The following DAB1 variants were observed in gnomAD, a reference collection of about 807,000 sequenced individuals.
The protein encoded by DAB1 is disabled homolog 1.
Under a neutral mutation model 64.6 loss-of-function variants are expected in DAB1, and 15 were observed. That is an observed-to-expected ratio of 0.23 (90% CI 0.16 to 0.36). The LOEUF (loss-of-function observed/expected upper bound fraction) is 0.36, where lower values mean the gene tolerates loss of function less well. DAB1 is among the 10% of genes least tolerant of loss of function. The probability of loss-of-function intolerance (pLI) is 1.00; values close to 1 mark genes in which losing one functional copy is unlikely to be tolerated. For missense variants in DAB1, 596 were observed against 706.7 expected (o/e 0.84, Z 1.78); for synonymous variants, 235 against 251.9 (o/e 0.93, Z 0.64).
At chr1:57,770,163 G>A (rs2101829223) in intron 6 of DAB1, among the ~76,000 whole-genome samples, 1 of 152,260 alleles carries the variant, frequency 6.6e-6, no homozygotes. Context: ...TCTCAATCTA[G>A]AAGAGCCTTG....
intron 1 of DAB1, among the ~76,000 whole-genome samples, chr1:57,408,962 G>A (rs1683878883): frequency 6.6e-6 from 1 of 152,252 alleles, no homozygotes; most frequent in South Asian, 2.1e-4. Flanking sequence ...GGGAGGAGGG[G>A]AAGACAGGGT....
At chr1:58,409,771 A>G (rs1451291167) in intron 3 of DAB1, among the ~76,000 whole-genome samples, 1 of 152,126 alleles carries the variant, frequency 6.6e-6, no homozygotes, top group East Asian at 1.9e-4. Context: ...AAGGGCAGAG[A>G]TGGAGGCCAA....
intron 2 of DAB1, among the ~76,000 whole-genome samples, chr1:58,520,310 A>G (rs1375583003): frequency 2.6e-5 from 4 of 152,208 alleles, no homozygotes; most frequent in South Asian, 2.1e-4. Context: ...TGCAAGACAC[A>G]TATCTGACAA....
At chr1:57,155,242 A>G (rs912227383) in intron 2 of DAB1, among the ~76,000 whole-genome samples, 27 of 152,202 alleles carry the variant, frequency 1.8e-4, no homozygotes, top group Non-Finnish European at 4.4e-5. Context: ...TCTTCTGCAT[A>G]TGGATATCCA....
intron 9 of DAB1, among the ~76,000 whole-genome samples, chr1:57,027,096 G>A (rs979038388): frequency 3.9e-5 from 6 of 152,106 alleles, no homozygotes; most frequent in Admixed American, 1.3e-4. Flanking sequence ...CACTCAAACC[G>A]CTCTAACCAG....
intron 5 of DAB1, among the ~76,000 whole-genome samples, chr1:57,969,491 A>C (rs1645746521): frequency 6.6e-6 from 1 of 152,062 alleles, no homozygotes; most frequent in African/African-American, 2.4e-5. Context: ...GTATGTTTTG[A>C]TGTAATGTTT....
intron 7 of DAB1, among the ~76,000 whole-genome samples, chr1:57,558,408 G>A (rs936718281): frequency 1.1e-4 from 16 of 152,128 alleles, no homozygotes; most frequent in Admixed American, 5.9e-4. Context: ...AAGTCCCAGC[G>A]GGCCCCTAGA....
chr1:57,492,941 AC>A lies in DAB1; in HGVS notation n.625+156650del, dbSNP rs552428487. Among the ~76,000 whole-genome samples, 62 of 152,182 alleles carry A rather than the reference AC, an allele frequency of 4.1e-4. No homozygotes were observed. The South Asian group carries it at 0.012, about 30-fold the overall frequency. Reference sequence around the variant, plus strand: ...CAGACTTAATTCAGGCATCTGCAGCACATTGTTCATGAAGCTATCCCTGGCT... The same window carrying A: ...CAGACTTAATTCAGGCATCTGCAGCAATTGTTCATGAAGCTATCCCTGGCT... On this transcript the variant is annotated intron_variant and non_coding_transcript_variant, in intron 7 of 20. Coordinates refer to the DAB1 transcript ENST00000485760.
intron 2 of DAB1, among the ~76,000 whole-genome samples, chr1:57,262,885 G>A (rs1050426342): frequency 1.3e-5 from 2 of 152,144 alleles, no homozygotes; most frequent in Non-Finnish European, 2.9e-5. Context: ...CACCTCTCAG[G>A]TATCTCAGAA....
At chr1:57,103,958 A>G (rs774286394) in intron 4 of DAB1, among the ~76,000 whole-genome samples, 19 of 152,138 alleles carry the variant, frequency 1.2e-4, no homozygotes, top group Non-Finnish European at 2.8e-4. Flanking sequence ...ATTTATCATG[A>G]GTAGGTGAGG....
chr1:57,337,837 C>T (rs1168480818), intron 1 of DAB1, among the ~76,000 whole-genome samples: 2 of 151,966 alleles, frequency 1.3e-5, no homozygotes, highest in African/African-American at 4.8e-5. Context: ...CAAGGTCTCT[C>T]CCTTTCCTTT....
At chr1:58,483,594 G>A (rs2100353928) in intron 3 of DAB1, among the ~76,000 whole-genome samples, 1 of 152,328 alleles carries the variant, frequency 6.6e-6, no homozygotes, top group African/African-American at 2.4e-5. Context: ...TCTAGTGAGT[G>A]TTAAGTAAAT....
intron 1 of DAB1, among the ~76,000 whole-genome samples, chr1:57,422,793 C>T (rs1291220037): frequency 6.6e-6 from 1 of 152,172 alleles, no homozygotes; most frequent in African/African-American, 2.4e-5. Flanking sequence ...AAGTGGCGTC[C>T]GCCTCTCCAG....
chr1:58,489,692 C>G (rs950332571), intron 3 of DAB1, among the ~76,000 whole-genome samples: 6 of 152,178 alleles, frequency 3.9e-5, no homozygotes, highest in African/African-American at 1.4e-4. Context: ...AGGCACCCCC[C>G]AGTAGGGGCA....
intron 9 of DAB1, among the ~76,000 whole-genome samples, chr1:57,049,450 C>CAAAAAA (rs574438911): frequency 4.0e-3 from 98 of 24,568 alleles, no homozygotes; most frequent in East Asian, 5.5e-3. Flanking sequence ...GACTCCGTCT[C>CAAAAAA]AAAAAAAAAA....
intron 4 of DAB1, among the ~76,000 whole-genome samples, chr1:57,105,018 C>T (rs1655014660): frequency 6.6e-6 from 1 of 152,102 alleles, no homozygotes; most frequent in African/African-American, 2.4e-5. Context: ...TAAACTCCAA[C>T]ATTTGTACAC....
intron 2 of DAB1, among the ~76,000 whole-genome samples, chr1:57,172,265 G>A (rs1661845498): frequency 6.6e-6 from 1 of 152,116 alleles, no homozygotes; most frequent in African/African-American, 2.4e-5. Context: ...TGAGGTACAG[G>A]GAGTTAGGAC....
intron 3 of DAB1, among the ~76,000 whole-genome samples, chr1:58,427,335 C>A (rs558258480): frequency 1.1e-3 from 164 of 152,126 alleles, no homozygotes; most frequent in African/African-American, 3.7e-3. Context: ...TATTTTTTCT[C>A]CGAATGAGAT....
In DAB1 at chr1:57,720,698, A is replaced by G. The variant is rs145702793; in HGVS notation, n.552-71033T>C. ...TGGCACAATGCCTGTCACATGGTAC[A>G]TAAATAGGAGGTTTATTTATTTATT... is the stretch of plus-strand genomic sequence containing the variant. On this transcript the variant is annotated intron_variant and non_coding_transcript_variant, in intron 6 of 20. Coordinates refer to the DAB1 transcript ENST00000485760. Among the ~76,000 whole-genome samples, 646 of 152,366 alleles carry G rather than the reference A, an allele frequency of 4.2e-3. 7 individuals are homozygous for G. The highest frequency in any genetic ancestry group is 0.015 in the African/African-American group (615 of 41,592).
Sources: gnomAD v4.1 joint callset for allele counts (sites outside exome capture counted in the v4.1 genomes callset) on GRCh38, gnomAD v4.1.1 for gene constraint, MANE v1.5 for transcripts, NCBI Gene and HGNC (gene_info 2026-07-23, HGNC 2026-07-21) for gene names.